The following HS6ST3 variants were observed in gnomAD, a reference collection of about 807,000 sequenced individuals.
HS6ST3 encodes the protein heparan sulfate 6-O-sulfotransferase 3.
A neutral mutation model predicts 36.7 loss-of-function variants in HS6ST3; 12 were observed. That is an observed-to-expected ratio of 0.33 (90% CI 0.21 to 0.53). The LOEUF (loss-of-function observed/expected upper bound fraction) is 0.53. HS6ST3 is among the 20% of genes least tolerant of loss of function. HS6ST3 has a pLI of 0.95. For missense variants in HS6ST3, 584 were observed against 640.9 expected, an observed-to-expected ratio of 0.91 and a Z score of 0.96; for synonymous variants, 240 against 257.5, an observed-to-expected ratio of 0.93 and a Z score of 0.65.
At chr13:96,795,049 T>C (rs1877876486) in intron 1 of HS6ST3, among the ~76,000 whole-genome samples, 1 of 152,056 alleles carries the variant, frequency 6.6e-6, no homozygotes, top group Admixed American at 6.6e-5. Flanking sequence ...TACTGTCTGG[T>C]TTAAAAATAT....
intron 1 of HS6ST3, among the ~76,000 whole-genome samples, chr13:96,280,356 C>T (rs1457634695): frequency 1.3e-5 from 2 of 151,804 alleles, no homozygotes; most frequent in Non-Finnish European, 2.9e-5. Flanking sequence ...AAAAATCTAC[C>T]ATTTCTCCAT....
intron 1 of HS6ST3, among the ~76,000 whole-genome samples, chr13:96,448,480 T>C (rs2055710194): frequency 6.6e-6 from 1 of 152,192 alleles, no homozygotes; most frequent in Non-Finnish European, 1.5e-5. Context: ...TCAGTCCTCA[T>C]TTCTCACTGC....
At chr13:96,209,841 G>A (rs924939217) in intron 1 of HS6ST3, among the ~76,000 whole-genome samples, 6 of 152,154 alleles carry the variant, frequency 3.9e-5, no homozygotes, top group East Asian at 3.9e-4. Context: ...TGTGACCTCC[G>A]TATCCAGTAG....
At chr13:96,480,127 A>G (rs956719885) in intron 1 of HS6ST3, among the ~76,000 whole-genome samples, 4 of 152,056 alleles carry the variant, frequency 2.6e-5, no homozygotes, top group South Asian at 2.1e-4. Flanking sequence ...TTGTTTGTTT[A>G]TTTAAGATGG....
rs117036528 is a variant in HS6ST3, at chr13:96,569,212, A to G, written c.708-263278A>G. On this transcript the variant is annotated intron_variant, in intron 1 of 1. Transcript: ENST00000376705. ...CTAGACGTTCAATAGCTACTTGCCA[A>G]ATTACCCTGATAATGTGACAGAAAG... Among the ~76,000 whole-genome samples the G allele has an allele frequency of 5.4e-4, 83 of 152,348 alleles. No homozygotes were observed. In the East Asian group the frequency reaches 0.015, roughly 28 times the overall value.
chr13:96,693,954 A>C (rs943702487), intron 1 of HS6ST3, among the ~76,000 whole-genome samples: 5 of 152,160 alleles, frequency 3.3e-5, no homozygotes, highest in Admixed American at 3.3e-4. Context: ...GAGCTTGAGC[A>C]GTCATTTCCT....
chr13:96,256,692 T>A (rs1310339254), intron 1 of HS6ST3, among the ~76,000 whole-genome samples: 2 of 152,166 alleles, frequency 1.3e-5, no homozygotes, highest in African/African-American at 4.8e-5. Flanking sequence ...GAATTTTAGA[T>A]GAAGAGTCGT....
intron 1 of HS6ST3, among the ~76,000 whole-genome samples, chr13:96,216,448 T>C (rs2054426303): frequency 6.6e-6 from 1 of 152,162 alleles, no homozygotes. Context: ...TTAGGAGAAA[T>C]ATTCTTTTGC....
intron 1 of HS6ST3, among the ~76,000 whole-genome samples, chr13:96,259,633 T>G (rs1429128406): frequency 6.6e-6 from 1 of 152,210 alleles, no homozygotes; most frequent in Non-Finnish European, 1.5e-5. Context: ...TTTTAACATG[T>G]GAAAGCCACA....
chr13:96,570,249 T>C (rs1214265753), intron 1 of HS6ST3, among the ~76,000 whole-genome samples: 3 of 152,216 alleles, frequency 2.0e-5, no homozygotes, highest in Admixed American at 6.5e-5. Context: ...TGTTATAGTC[T>C]TAATTTGGGG....
At chr13:96,167,411 A>G (rs1038363297) in intron 1 of HS6ST3, among the ~76,000 whole-genome samples, 5 of 152,194 alleles carry the variant, frequency 3.3e-5, no homozygotes, top group Non-Finnish European at 7.3e-5. Flanking sequence ...GAGGAAGGAC[A>G]AACATCTATT....
At chr13:96,470,718 A>T (rs1343311106) in intron 1 of HS6ST3, among the ~76,000 whole-genome samples, 1 of 152,158 alleles carries the variant, frequency 6.6e-6, no homozygotes, top group Non-Finnish European at 1.5e-5. Flanking sequence ...CCACTCCACT[A>T]AAATTTCTCT....
chr13:96,380,820 G>A (rs1379357016), intron 1 of HS6ST3, among the ~76,000 whole-genome samples: 3 of 151,978 alleles, frequency 2.0e-5, no homozygotes, highest in Non-Finnish European at 2.9e-5. Context: ...TTTATTGAAC[G>A]ACTGAGTTAG....
chr13:96,527,298 T>C (rs2056118021), intron 1 of HS6ST3, among the ~76,000 whole-genome samples: 1 of 152,140 alleles, frequency 6.6e-6, no homozygotes, highest in Admixed American at 6.5e-5. Context: ...AACTCTCCTT[T>C]ATTCATTTAA....
At chr13:96,643,326 C>A (rs1446633210) in intron 1 of HS6ST3, among the ~76,000 whole-genome samples, 1 of 151,816 alleles carries the variant, frequency 6.6e-6, no homozygotes, top group Non-Finnish European at 1.5e-5. Flanking sequence ...CCAAGTCCAG[C>A]CAGAGGTTAG....
chr13:96,102,397 G>T (rs1320136523), intron 1 of HS6ST3, among the ~76,000 whole-genome samples: 1 of 152,118 alleles, frequency 6.6e-6, no homozygotes, highest in Non-Finnish European at 1.5e-5. Flanking sequence ...CAGGATAATT[G>T]CTTGAACCCA....
chr13:96,739,769 A>C (rs1192422676), intron 1 of HS6ST3, among the ~76,000 whole-genome samples: 1 of 152,142 alleles, frequency 6.6e-6, no homozygotes, highest in African/African-American at 2.4e-5. Flanking sequence ...GCCCACCAGA[A>C]TGTAAGTTAG....
At chr13:96,366,434 G>A (rs890973723) in intron 1 of HS6ST3, among the ~76,000 whole-genome samples, 1 of 142,514 alleles carries the variant, frequency 7.0e-6, no homozygotes, top group African/African-American at 2.6e-5. Flanking sequence ...GGGTGACATA[G>A]CAAGACCTTG....
chr13:96,675,035 C>T (rs2056694488), intron 1 of HS6ST3, among the ~76,000 whole-genome samples: 1 of 152,126 alleles, frequency 6.6e-6, no homozygotes, highest in African/African-American at 2.4e-5. Flanking sequence ...CCAGCTTTTG[C>T]TGTGCTGTGC....
Sources: allele counts gnomAD v4.1 joint callset (sites outside exome capture counted in the v4.1 genomes callset), GRCh38; gene constraint gnomAD v4.1.1; transcripts MANE v1.5; gene names NCBI Gene and HGNC (gene_info 2026-07-23, HGNC 2026-07-21).